The following MRPL37 variants were observed in gnomAD, a reference collection of about 807,000 sequenced individuals.
MRPL37 encodes mitochondrial ribosomal protein L37.
MRPL37 carries 34 observed loss-of-function variants against 44.1 expected under a neutral mutation model. The ratio of observed to expected loss-of-function variants is 0.77; its 90% CI spans 0.59 to 1.03. MRPL37 has a LOEUF of 1.03. Ranked by LOEUF, MRPL37 falls within the 50% of genes least tolerant of loss-of-function variation. The pLI is 0.00. For synonymous variants in MRPL37, 212 were observed against 219.5 expected, an observed-to-expected ratio of 0.97 and a Z score of 0.30; for missense variants, 532 against 543.7, an observed-to-expected ratio of 0.98 and a Z score of 0.21.
At chr1:54,203,586 G>C (rs1008711415) in intron 1 of MRPL37, among the ~76,000 whole-genome samples, 1 of 147,466 alleles carries the variant, frequency 6.8e-6, no homozygotes, top group Non-Finnish European at 1.5e-5. Flanking sequence ...TGATTCTCCT[G>C]CCTCAGCCTC....
At chr1:54,225,364 G>A (rs1644270203), downstream of MRPL37, 3 of 1,233,980 alleles carry the variant, frequency 2.4e-6, no homozygotes, top group East Asian at 3.2e-5. Context: ...TGCCCAAGAA[G>A]TCACCTTGCA....
chr1:54,219,996 CTT>C (rs1644222090), downstream of MRPL37, among the ~76,000 whole-genome samples: 1 of 152,060 alleles, frequency 6.6e-6, no homozygotes, highest in Admixed American at 6.5e-5. Context: ...GTTCATGTAT[CTT>C]AGAGTAGTTT....
downstream of MRPL37, among the ~76,000 whole-genome samples, chr1:54,218,895 T>C (rs1008924036): frequency 6.6e-6 from 1 of 152,226 alleles, no homozygotes; most frequent in African/African-American, 2.4e-5. Context: ...AAGAAAAATA[T>C]TGCATGCCTA....
chr1:54,220,023 T>C (rs751103674), downstream of MRPL37, among the ~76,000 whole-genome samples: 2 of 152,180 alleles, frequency 1.3e-5, no homozygotes, highest in African/African-American at 4.8e-5. Flanking sequence ...AGCAGAGCCA[T>C]TGGGTAAGTT....
intron 4 of MRPL37, among the ~76,000 whole-genome samples, chr1:54,211,598 T>C (rs1346651076): frequency 6.6e-6 from 1 of 151,986 alleles, no homozygotes; most frequent in African/African-American, 2.4e-5. Context: ...GCTCAAGCAA[T>C]CCTCCTACCT....
intron 5 of MRPL37, among the ~76,000 whole-genome samples, chr1:54,214,726 C>T (rs1168627107): frequency 6.6e-6 from 1 of 152,158 alleles, no homozygotes; most frequent in Non-Finnish European, 1.5e-5. Context: ...CCCCTCCAGG[C>T]ACAAATTATT....
chr1:54,204,905 C>A, intron 1 of MRPL37, 113 bp from the exon 2 acceptor site: 1 of 1,230,714 alleles, frequency 8.1e-7, no homozygotes, highest in Non-Finnish European at 1.1e-6. Flanking sequence ...CAGAACAAAT[C>A]CAGTTTCTCA....
chr1:54,215,695 C>T (rs554824189), intron 5 of MRPL37, among the ~76,000 whole-genome samples: 2 of 152,270 alleles, frequency 1.3e-5, no homozygotes, highest in African/African-American at 4.8e-5. Flanking sequence ...TCTCAGTTTC[C>T]TCATCTGTCA....
In MRPL37 at chr1:54,200,516, C is replaced by T; in HGVS notation, c.273C>T (p.Pro91=). ...GYKDPRFYRS[P]PLHEHPLYKD... is the part of the protein sequence containing the mutation. ...AGGACCCAAGGTTCTACCGCTCGCCCCCTCTTCACGAGCATCCGCTGTACA... is the reference window on the plus strand; with the variant it reads ...AGGACCCAAGGTTCTACCGCTCGCCTCCTCTTCACGAGCATCCGCTGTACA... The change falls in exon 1 of 7, where the codon CCC becomes CCT. Residue 91 remains proline, a synonymous_variant. Coordinates refer to ENST00000360840, the MANE Select transcript of MRPL37 (RefSeq NM_016491.4). 2 of 1,614,160 alleles carry T rather than the reference C, an allele frequency of 1.2e-6. No homozygotes were observed. The highest frequency in any genetic ancestry group is 1.7e-6 in the Non-Finnish European group (2 of 1,179,994).
downstream of MRPL37, among the ~76,000 whole-genome samples, chr1:54,222,389 TTGGAGG>T (rs1644242063): frequency 6.6e-6 from 1 of 152,046 alleles, no homozygotes; most frequent in South Asian, 2.1e-4. Flanking sequence ...TACTGCAAAG[TTGGAGG>T]TGAAGTGCTG....
At chr1:54,211,250 A>G (rs1035222903) in intron 4 of MRPL37, among the ~76,000 whole-genome samples, 2 of 152,024 alleles carry the variant, frequency 1.3e-5, no homozygotes, top group African/African-American at 4.8e-5. Context: ...ACATCTTGAC[A>G]TGTCCCTCCA....
At chr1:54,201,904 T>C (rs1644086785) in intron 1 of MRPL37, among the ~76,000 whole-genome samples, 2 of 152,218 alleles carry the variant, frequency 1.3e-5, no homozygotes, top group Admixed American at 1.3e-4. Context: ...TTTTATCTAT[T>C]GTCAAGTTTA....
chr1:54,216,428 G>T (rs1327808651), intron 6 of MRPL37, 84 bp downstream of exon 6: 4 of 1,477,724 alleles, frequency 2.7e-6, no homozygotes, highest in South Asian at 1.2e-5. Flanking sequence ...TTGCTGGGGT[G>T]CTCTGTGAGG....
downstream of MRPL37, among the ~76,000 whole-genome samples, chr1:54,219,884 T>C (rs1055877219): frequency 5.9e-5 from 9 of 152,232 alleles, no homozygotes; most frequent in Non-Finnish European, 1.2e-4. Flanking sequence ...CATCACCACA[T>C]AGGATCTCTT....
chr1:54,203,534 C>T (rs899794549), intron 1 of MRPL37, among the ~76,000 whole-genome samples: 2 of 133,178 alleles, frequency 1.5e-5, no homozygotes, highest in Non-Finnish European at 3.0e-5. Flanking sequence ...AGTGCAGTGG[C>T]GTGATCTTGG....
chr1:54,216,536 G>T (rs1439470353), intron 6 of MRPL37, among the ~76,000 whole-genome samples, 192 bp downstream of exon 6: 2 of 152,134 alleles, frequency 1.3e-5, no homozygotes, highest in Admixed American at 1.3e-4. Flanking sequence ...CTCCACTCCA[G>T]CTCCTGCTTC....
At chr1:54,215,162 G>C (rs1352884461) in intron 5 of MRPL37, among the ~76,000 whole-genome samples, 2 of 152,146 alleles carry the variant, frequency 1.3e-5, no homozygotes, top group East Asian at 3.9e-4. Flanking sequence ...ACACCATTGA[G>C]AATAATGAGG....
chr1:54,225,477 C>T (rs963225954), downstream of MRPL37: 10 of 1,151,274 alleles, frequency 8.7e-6, no homozygotes, highest in East Asian at 3.2e-5. Flanking sequence ...CAACATATAT[C>T]GTACACAAAC....
downstream of MRPL37, among the ~76,000 whole-genome samples, chr1:54,220,095 C>G (rs1365233835): frequency 6.6e-6 from 1 of 151,638 alleles, no homozygotes; most frequent in Non-Finnish European, 1.5e-5. Flanking sequence ...GTTGGGAGTA[C>G]AGAGGAGGAG....
Sources: allele counts gnomAD v4.1 joint callset (sites outside exome capture counted in the v4.1 genomes callset), GRCh38; gene constraint gnomAD v4.1.1; transcripts MANE v1.5; gene names NCBI Gene and HGNC (gene_info 2026-07-23, HGNC 2026-07-21).